Variants in NR2F1-AS1 observed in about 807,000 individuals in gnomAD.
NR2F1-AS1 encodes the protein NR2F1 regulatory antisense RNA 1, also known as NR2F1 antisense RNA 1.
At chr5:93,577,246 G>T (rs558565693) in intron 1 of NR2F1-AS1, among the ~76,000 whole-genome samples, 1 of 152,374 alleles carries the variant, frequency 6.6e-6, no homozygotes, top group East Asian at 1.9e-4. Flanking sequence ...TGCTTTAAAT[G>T]ACCGGTTTGA....
At chr5:93,523,754 C>G (rs542530479) in intron 4 of NR2F1-AS1, among the ~76,000 whole-genome samples, 1 of 152,136 alleles carries the variant, frequency 6.6e-6, no homozygotes, top group Non-Finnish European at 1.5e-5. Flanking sequence ...AGACCTGTAG[C>G]AGAGAAGCCT....
At chr5:93,446,814 T>A (rs1274266199) in intron 4 of NR2F1-AS1, among the ~76,000 whole-genome samples, 2 of 152,144 alleles carry the variant, frequency 1.3e-5, no homozygotes, top group African/African-American at 4.8e-5. Context: ...ACTACAAGGC[T>A]ACAGTATTCA....
intron 4 of NR2F1-AS1, among the ~76,000 whole-genome samples, chr5:93,441,509 C>T (rs973679928): frequency 5.3e-5 from 8 of 152,188 alleles, no homozygotes; most frequent in Non-Finnish European, 1.0e-4. Flanking sequence ...GGTCATTAGT[C>T]GGTTGCCCCC....
chr5:93,431,272 G>A (rs578056367), intron 4 of NR2F1-AS1, among the ~76,000 whole-genome samples: 8 of 151,790 alleles, frequency 5.3e-5, no homozygotes, highest in African/African-American at 1.5e-4. Context: ...AGACAAATCA[G>A]GACTACTGAG....
chr5:93,436,839 C>T (rs1466668907), intron 4 of NR2F1-AS1, among the ~76,000 whole-genome samples: 2 of 151,978 alleles, frequency 1.3e-5, no homozygotes, highest in African/African-American at 4.8e-5. Flanking sequence ...TTTAAATCAC[C>T]TGACTACCTG....
chr5:93,581,669 T>G (rs1283037845), upstream of NR2F1-AS1, among the ~76,000 whole-genome samples: 1 of 8,942 alleles, frequency 1.1e-4, no homozygotes, highest in African/African-American at 7.3e-4. Flanking sequence ...GGGGTCTCGG[T>G]CTCTCTCTCT....
intron 4 of NR2F1-AS1, among the ~76,000 whole-genome samples, chr5:93,546,045 T>C (rs1752077994): frequency 6.6e-6 from 1 of 152,218 alleles, no homozygotes; most frequent in African/African-American, 2.4e-5. Context: ...GAGTTCCTGC[T>C]CCTTCACTTA....
chr5:93,550,269 T>C (rs145989347), intron 4 of NR2F1-AS1, among the ~76,000 whole-genome samples: 2 of 152,246 alleles, frequency 1.3e-5, no homozygotes, highest in Admixed American at 6.5e-5. Flanking sequence ...CAGAATATAT[T>C]TGAAAGCAGA....
intron 4 of NR2F1-AS1, among the ~76,000 whole-genome samples, chr5:93,524,371 C>T (rs567051495): frequency 3.3e-5 from 5 of 152,224 alleles, no homozygotes; most frequent in Non-Finnish European, 7.4e-5. Flanking sequence ...TAGACCAAAC[C>T]TGCGTTTGAT....
At chr5:93,566,543 T>G (rs1391105160) in intron 1 of NR2F1-AS1, among the ~76,000 whole-genome samples, 1 of 152,052 alleles carries the variant, frequency 6.6e-6, no homozygotes, top group Admixed American at 6.6e-5. Flanking sequence ...ACGCTACCAC[T>G]GCTTTCAGAA....
chr5:93,582,361 C>T (rs1475512154), upstream of NR2F1-AS1, among the ~76,000 whole-genome samples: 2 of 151,752 alleles, frequency 1.3e-5, no homozygotes, highest in East Asian at 3.9e-4. Context: ...ACCCTTGATT[C>T]CGATCGAATT....
At chr5:93,424,482 C>G (rs1749155991) in intron 4 of NR2F1-AS1, among the ~76,000 whole-genome samples, 1 of 151,938 alleles carries the variant, frequency 6.6e-6, no homozygotes, top group Non-Finnish European at 1.5e-5. Context: ...CCACATAGAT[C>G]AAATCTGTCA....
chr5:93,553,110 T>C (rs1244347230), intron 4 of NR2F1-AS1, among the ~76,000 whole-genome samples: 1 of 151,220 alleles, frequency 6.6e-6, no homozygotes, highest in Non-Finnish European at 1.5e-5. Flanking sequence ...TGAAATTTCC[T>C]GATATCAGTA....
At chr5:93,453,984 A>G (rs1212008402) in intron 4 of NR2F1-AS1, among the ~76,000 whole-genome samples, 1 of 152,216 alleles carries the variant, frequency 6.6e-6, no homozygotes, top group African/African-American at 2.4e-5. Flanking sequence ...AATCTTTTTA[A>G]AAGATAAAGG....
chr5:93,439,351 T>C (rs193007064), intron 4 of NR2F1-AS1, among the ~76,000 whole-genome samples: 2 of 152,282 alleles, frequency 1.3e-5, no homozygotes, highest in Admixed American at 1.3e-4. Flanking sequence ...TGGAGTGGAG[T>C]GGCGCGATCT....
At chr5:93,427,171 A>AT (rs1413376876) in intron 4 of NR2F1-AS1, among the ~76,000 whole-genome samples, 1 of 152,122 alleles carries the variant, frequency 6.6e-6, no homozygotes, top group African/African-American at 2.4e-5. Context: ...TAAGGATACA[A>AT]TTTTTTTAAG....
intron 4 of NR2F1-AS1, among the ~76,000 whole-genome samples, chr5:93,436,951 T>C (rs1312256993): frequency 6.7e-6 from 1 of 150,108 alleles, no homozygotes; most frequent in Non-Finnish European, 1.5e-5. Flanking sequence ...GACACAGTAA[T>C]ACCTAGCTGA....
At chr5:93,440,341 T>C (rs1749540814) in intron 4 of NR2F1-AS1, among the ~76,000 whole-genome samples, 1 of 152,196 alleles carries the variant, frequency 6.6e-6, no homozygotes, top group Admixed American at 6.5e-5. Context: ...CTAGATGAGA[T>C]TAACTTTTGA....
chr5:93,520,551 T>C (rs1249131430), intron 4 of NR2F1-AS1, among the ~76,000 whole-genome samples: 2 of 152,124 alleles, frequency 1.3e-5, no homozygotes, highest in Non-Finnish European at 2.9e-5. Context: ...TTATCTGAAT[T>C]AGAAAGTATT....
Sources: allele counts gnomAD v4.1 joint callset (sites outside exome capture counted in the v4.1 genomes callset), GRCh38; gene constraint gnomAD v4.1.1; transcripts MANE v1.5; gene names NCBI Gene and HGNC (gene_info 2026-07-23, HGNC 2026-07-21).